The following MYH11 variants were observed in gnomAD, a reference collection of about 807,000 sequenced individuals.
MYH11 encodes the protein myosin heavy chain 11, also known as myosin-11.
In MYH11, 80 loss-of-function variants were observed where a neutral mutation model predicts 246.6. The observed-to-expected ratio is 0.32, with a 90% CI of 0.27 to 0.39. The LOEUF (loss-of-function observed/expected upper bound fraction) is 0.39. MYH11 is among the 10% of genes least tolerant of loss of function. MYH11 has a pLI of 1.00. For missense variants in MYH11, 2,158 were observed against 2,546.8 expected (o/e 0.85, Z 3.29); for synonymous variants, 1,071 against 1,015.5 (o/e 1.05, Z -1.04).
In MYH11 at chr16:15,750,951, T is replaced by C. The variant is rs2041550090; in HGVS notation, c.1865-620A>G. ...GAGAGAGAGTGAAGAGGGTGCTCTC[T>C]TAGACAAGGAGGTGGTGGGCTCTGC... On this transcript the variant is annotated intron_variant, in intron 15 of 40. Transcript: ENST00000300036. The surrounding 1 kb of genome is among the most constrained non-coding windows in gnomAD (Gnocchi z 4.3). Among the ~76,000 whole-genome samples the C allele has an allele frequency of 6.6e-6, 1 of 151,954 alleles. No homozygotes were observed. The highest frequency in any genetic ancestry group is 2.4e-5 in the African/African-American group (1 of 41,368).
In MYH11 at chr16:15,766,516, C is replaced by T. The variant is rs556955247; in HGVS notation, c.1034-2625G>A. On this transcript the variant is annotated intron_variant, in intron 9 of 40. Coordinates refer to ENST00000300036, the MANE Select transcript of MYH11 (RefSeq NM_002474.3). ...CCTCCAGAGTAGCTGGGATTACAGG[C>T]GTGTGCCACCACACCCGGCTAATTT... 2.6e-5 allele frequency among the ~76,000 whole-genome samples: 4 copies of T among 152,150 alleles called. No individual in the cohort carries two copies. The East Asian group carries it at 5.8e-4, about 22-fold the overall frequency.
chr16:15,763,760 C>CCCA, intron 10 of MYH11, 36 bp downstream of exon 10: 1 of 1,192,092 alleles, frequency 8.4e-7, no homozygotes, highest in Non-Finnish European at 1.3e-6. Flanking sequence ...CCCCCAACCC[C>CCCA]AAAGTCATTG....
intron 1 of MYH11, among the ~76,000 whole-genome samples, chr16:15,840,486 C>T (rs1041086366): frequency 1.3e-5 from 2 of 152,150 alleles, no homozygotes; most frequent in Middle Eastern, 3.2e-3. Context: ...AATCCCAGCA[C>T]TGTGGGAAGC....
chr16:15,720,123 C>T, intron 34 of MYH11, 28 bp downstream of exon 34: 1 of 1,614,044 alleles, frequency 6.2e-7, no homozygotes, highest in Non-Finnish European at 8.5e-7. Context: ...TCCCTCCACC[C>T]ATGCCCCAAG....
intron 10 of MYH11, 55 bp downstream of exon 10, chr16:15,763,741 T>TCGGGGCCCCCCCCCCCCCCCCCC: frequency 1.5e-6 from 1 of 646,858 alleles, no homozygotes; most frequent in Non-Finnish European, 2.9e-6. Context: ...AAATGTCACC[T>TCGGGGCCCCCCCCCCCCCCCCCC]CCCCCACCCC....
At position 15,856,995 on chromosome 16, in the gene MYH11, T is replaced by A. The variant is rs560085391; in HGVS notation, c.-72A>T. ...GGAAACTGGATGGCGAGCTCGGATC[T>A]GACGCACCTCCCAGGCCGGAGCGTC... is the stretch of plus-strand genomic sequence containing the variant. On this transcript the variant is annotated 5_prime_UTR_variant, in exon 1 of 41. Transcript: ENST00000300036. The A allele has an allele frequency of 6.6e-6, 1 of 152,160 alleles. No individual in the cohort carries two copies. The highest frequency in any genetic ancestry group is 1.5e-5 in the Non-Finnish European group (1 of 68,078). The allele number at this position is 152,160 out of a possible 1,614,324, so 9.4% of individuals were successfully genotyped here.
At chr16:15,800,998 G>C (rs1346927081) in intron 3 of MYH11, among the ~76,000 whole-genome samples, 1 of 152,038 alleles carries the variant, frequency 6.6e-6, no homozygotes, top group Non-Finnish European at 1.5e-5. Flanking sequence ...TTGAGTTCAG[G>C]AGTTCCAGAC....
At chr16:15,736,691 T>C (rs2041128434) in intron 25 of MYH11, among the ~76,000 whole-genome samples, 1 of 152,056 alleles carries the variant, frequency 6.6e-6, no homozygotes, top group South Asian at 2.1e-4. Flanking sequence ...AGGGGATCAA[T>C]CAGAAAGCTT....
chr16:15,740,348 C>T (rs577770076), intron 22 of MYH11, among the ~76,000 whole-genome samples, 160 bp from the exon 23 acceptor site: 5 of 152,274 alleles, frequency 3.3e-5, no homozygotes, highest in Admixed American at 6.5e-5. Flanking sequence ...TGGCTCACAC[C>T]TGTAATCCCA....
At chr16:15,783,375 A>C (rs2042399644) in intron 5 of MYH11, 1 of 152,228 alleles carries the variant, frequency 6.6e-6, no homozygotes. Context: ...GAGCCGGGAA[A>C]GTGTCTAGAG....
chr16:15,748,253 A>G, intron 16 of MYH11, 85 bp from the exon 17 acceptor site: 2 of 1,589,066 alleles, frequency 1.3e-6, no homozygotes, highest in Non-Finnish European at 1.7e-6. Flanking sequence ...TGGATGACCC[A>G]CCTGGCCAGG....
intron 32 of MYH11, 26 bp downstream of exon 32, chr16:15,721,396 G>A (rs369034509): frequency 3.1e-5 from 50 of 1,612,678 alleles, no homozygotes; most frequent in African/African-American, 5.3e-5. Flanking sequence ...AAACATGGAC[G>A]AGAAAAACCA....
At chr16:15,785,002 C>G in intron 5 of MYH11, 1 of 121,936 alleles carries the variant, frequency 8.2e-6, no homozygotes. Context: ...CCAGCTAATT[C>G]TCTTGATTTT....
chr16:15,739,520 A>G (rs1433097278), intron 23 of MYH11, among the ~76,000 whole-genome samples: 3 of 152,226 alleles, frequency 2.0e-5, no homozygotes, highest in Non-Finnish European at 2.9e-5. Flanking sequence ...CTCCTTCACC[A>G]TGCATACCTG....
At chr16:15,799,817 A>G (rs1261339029) in intron 3 of MYH11, among the ~76,000 whole-genome samples, 1 of 152,212 alleles carries the variant, frequency 6.6e-6, no homozygotes, top group Non-Finnish European at 1.5e-5. Context: ...CACAAGCTTC[A>G]TTTCATCAAA....
intron 3 of MYH11, among the ~76,000 whole-genome samples, chr16:15,813,490 T>G (rs2043187284): frequency 6.6e-6 from 1 of 152,150 alleles, no homozygotes; most frequent in Non-Finnish European, 1.5e-5. Flanking sequence ...CCTTGTAGGT[T>G]TGTGGTAAAG....
chr16:15,791,671 GA>G (rs1196731658), intron 4 of MYH11: 3 of 102,114 alleles, frequency 2.9e-5, no homozygotes, highest in East Asian at 5.3e-4. Flanking sequence ...TACCTTGTAT[GA>G]TTTTTTTTTT....
chr16:15,799,389 G>A (rs2151323281), intron 3 of MYH11, among the ~76,000 whole-genome samples: 1 of 152,252 alleles, frequency 6.6e-6, no homozygotes, highest in Non-Finnish European at 1.5e-5. Context: ...CTGCCCCTGG[G>A]CCCAAGCAGC....
chr16:15,704,213 T>A, intron 40 of MYH11, 90 bp from the exon 41 acceptor site: 1 of 1,501,416 alleles, frequency 6.7e-7, no homozygotes, highest in Non-Finnish European at 9.1e-7. Context: ...CTTGTAGCTA[T>A]AGTCCTATTG....
Sources: allele counts gnomAD v4.1 joint callset (sites outside exome capture counted in the v4.1 genomes callset), GRCh38; gene constraint gnomAD v4.1.1; non-coding constraint Gnocchi (gnomAD v3.1); transcripts MANE v1.5; gene names NCBI Gene and HGNC (gene_info 2026-07-23, HGNC 2026-07-21).